Variants in ZNF410 observed in about 807,000 individuals in gnomAD.
ZNF410 encodes the protein zinc finger protein 410.
Under a neutral mutation model 54.8 loss-of-function variants are expected in ZNF410, and 18 were observed. The ratio of observed to expected loss-of-function variants is 0.33; its 90% confidence interval spans 0.23 to 0.49. The LOEUF is 0.49. Among genes scored for constraint, ZNF410 ranks in the 20% least tolerant of loss-of-function variants. The pLI is 0.99. For synonymous variants in ZNF410, 191 were observed against 207.3 expected (o/e 0.92, Z 0.68); for missense variants, 405 against 569.6 (o/e 0.71, Z 2.94).
intron 1 of ZNF410, among the ~76,000 whole-genome samples, chr14:73,889,947 C>G (rs2055201991): frequency 6.6e-6 from 1 of 151,890 alleles, no homozygotes; most frequent in Non-Finnish European, 1.5e-5. Context: ...CAGGCACATG[C>G]CACCACACCT....
chr14:73,923,838 G>T (rs747997596), intron 11 of ZNF410, among the ~76,000 whole-genome samples: 1 of 152,102 alleles, frequency 6.6e-6, no homozygotes, highest in African/African-American at 2.4e-5. Flanking sequence ...CACACAGCAG[G>T]CACTGAATAA....
intron 2 of ZNF410, 57 bp from the exon 3 acceptor site, chr14:73,893,740 G>A: frequency 2.6e-6 from 4 of 1,550,832 alleles, no homozygotes; most frequent in Non-Finnish European, 3.5e-6. Flanking sequence ...TAAATTCAAA[G>A]GTTTAGATAC....
At chr14:73,916,402 A>G (rs1291383407) in intron 8 of ZNF410, 1 of 152,102 alleles carries the variant, frequency 6.6e-6, no homozygotes, top group Non-Finnish European at 1.5e-5. Flanking sequence ...GCTGGTCTTG[A>G]ACTCTTGGCC....
intron 5 of ZNF410, among the ~76,000 whole-genome samples, chr14:73,901,850 C>T (rs1441306800): frequency 1.3e-5 from 2 of 150,912 alleles, no homozygotes; most frequent in Non-Finnish European, 2.9e-5. Context: ...GGGAGGATCT[C>T]CTGAGTTGGG....
intron 3 of ZNF410, chr14:73,896,108 T>A (rs1318428895): frequency 7.2e-6 from 4 of 556,664 alleles, no homozygotes; most frequent in African/African-American, 1.9e-5. Context: ...GACAGAGAAT[T>A]CTGTTCCTCA....
intron 8 of ZNF410, chr14:73,920,719 A>G: frequency 5.0e-6 from 2 of 402,908 alleles, no homozygotes; most frequent in Non-Finnish European, 9.1e-6. Context: ...TCCTATACCA[A>G]AGAGGTTTTG....
chr14:73,896,853 TAGAG>T (rs1226626607), intron 4 of ZNF410, among the ~76,000 whole-genome samples: 2 of 152,162 alleles, frequency 1.3e-5, no homozygotes, highest in Non-Finnish European at 2.9e-5. Context: ...ACATGTCCTT[TAGAG>T]AGTTAGAAAC....
Position 73,903,982 on chromosome 14 carries a change from T to A in ZNF410, c.603T>A (p.Ser201=). ...SSNGENVHLG[S]GDGQSKDSGP... ...CAGGAGAAAATGTCCACCTTGGTTCTGGTGATGGGCAGTCAAAAGATTCTG... is the reference window on the plus strand; with the variant it reads ...CAGGAGAAAATGTCCACCTTGGTTCAGGTGATGGGCAGTCAAAAGATTCTG... Residue 201 remains serine, a synonymous_variant, in exon 6 of 12, where the codon TCT becomes TCA. Coordinates refer to ENST00000555044, the MANE Select transcript of ZNF410 (RefSeq NM_021188.3). The A allele has an allele frequency of 6.2e-7, 1 of 1,614,238 alleles. No individual in the cohort carries two copies. The highest frequency in any genetic ancestry group is 8.5e-7 in the Non-Finnish European group (1 of 1,180,042).
At chr14:73,901,701 C>A (rs1022338293) in intron 5 of ZNF410, among the ~76,000 whole-genome samples, 4 of 151,074 alleles carry the variant, frequency 2.6e-5, no homozygotes, top group Admixed American at 6.6e-5. Context: ...GTGGCCGAGG[C>A]GGGTGGATCT....
At chr14:73,887,491 G>C (rs1351890771) in intron 1 of ZNF410, 4 of 152,106 alleles carry the variant, frequency 2.6e-5, no homozygotes, top group Admixed American at 2.6e-4. Context: ...ATTTCGTGTC[G>C]AATTTATTTT....
chr14:73,932,278 AG>A lies in ZNF410; in HGVS notation c.*738del, dbSNP rs536012299. The A allele has an allele frequency of 3.0e-6, 1 of 333,014 alleles. No individual in the cohort carries two copies. Among genetic ancestry groups the A allele is most frequent in the Non-Finnish European group, 5.8e-6 (1 of 170,944 alleles). 20.6% of individuals were successfully genotyped at this position (333,014 alleles called of 1,614,324 possible). ...TTTAAATAAACAAAACAGCCCAGTC[AG>A]TTCTTTGGCTCTTGTTTTATACAAA... is the stretch of plus-strand genomic sequence containing the variant. On this transcript the variant is annotated 3_prime_UTR_variant, in exon 12 of 12. Transcript: ENST00000555044.
rs1178969608 is a variant in ZNF410 at position 73,909,655 on chromosome 14, C to T, written c.1003+225C>T. 6 of 448,482 alleles carry T rather than the reference C, an allele frequency of 1.3e-5. No individual in the cohort carries two copies. In the East Asian group the frequency reaches 1.5e-4, roughly 11 times the overall value. 27.8% of individuals were successfully genotyped at this position (448,482 alleles called of 1,614,324 possible). A position where few individuals can be genotyped will look rare whatever the true frequency, so the allele number is the denominator to read the frequency against. ...ATTTTCAGCTGTGTTTCTAATAAAG[C>T]CTTCTTTTGAAGAGATCAGCAAATT... On this transcript the variant is annotated intron_variant, in intron 8 of 11. Transcript: ENST00000555044.
intron 8 of ZNF410, chr14:73,920,081 TGG>T (rs960341183): frequency 1.3e-4 from 20 of 152,104 alleles, no homozygotes; most frequent in African/African-American, 4.8e-4. Context: ...TTCCTAGAAG[TGG>T]GATTCCTAGG....
intron 1 of ZNF410, 25 bp from the exon 2 acceptor site, chr14:73,892,000 CCT>C (rs140665239): frequency 0.36 from 261,992 of 734,446 alleles, 52,417 homozygotes; most frequent in Non-Finnish European, 0.42. Flanking sequence ...CTTAATGCCC[CCT>C]CTCTCTTTTT....
intron 5 of ZNF410, among the ~76,000 whole-genome samples, chr14:73,903,213 C>G (rs1220378306): frequency 6.6e-6 from 1 of 152,126 alleles, no homozygotes; most frequent in Non-Finnish European, 1.5e-5. Flanking sequence ...ACTGCAGCCT[C>G]CGCCTCCCGG....
intron 8 of ZNF410, 142 bp downstream of exon 8, chr14:73,909,572 C>G: frequency 1.6e-6 from 1 of 615,786 alleles, no homozygotes; most frequent in Non-Finnish European, 2.8e-6. Flanking sequence ...ATGACAGAAT[C>G]AGAAATCAAG....
At chr14:73,902,040 C>T (rs1420242129) in intron 5 of ZNF410, among the ~76,000 whole-genome samples, 3 of 150,620 alleles carry the variant, frequency 2.0e-5, no homozygotes, top group African/African-American at 7.3e-5. Context: ...GATTCCTTCA[C>T]GGCATATGTA....
At chr14:73,897,010 A>C (rs1442384964) in intron 4 of ZNF410, among the ~76,000 whole-genome samples, 1 of 152,196 alleles carries the variant, frequency 6.6e-6, no homozygotes, top group African/African-American at 2.4e-5. Context: ...AAAACATTTA[A>C]GAGGACAACA....
chr14:73,918,954 T>TCC (rs1158345871), intron 8 of ZNF410, among the ~76,000 whole-genome samples: 1 of 136,034 alleles, frequency 7.4e-6, no homozygotes, highest in Non-Finnish European at 1.6e-5. Context: ...CGCCTCAGCC[T>TCC]CCCAAAGTGC....
Sources: gnomAD v4.1 joint callset for allele counts (sites outside exome capture counted in the v4.1 genomes callset) on GRCh38, gnomAD v4.1.1 for gene constraint, MANE v1.5 for transcripts, NCBI Gene and HGNC (gene_info 2026-07-23, HGNC 2026-07-21) for gene names.